Variants in TRPC7 observed in about 807,000 individuals in gnomAD.
TRPC7 encodes the protein short transient receptor potential channel 7.
TRPC7 carries 42 observed loss-of-function variants against 90.1 expected under a neutral mutation model. The observed-to-expected ratio is 0.47, with a 90% CI of 0.36 to 0.60. The LOEUF (loss-of-function observed/expected upper bound fraction) is 0.60. Among genes scored for constraint, TRPC7 ranks in the 20% least tolerant of loss-of-function variants. The pLI, the probability that TRPC7 is intolerant of heterozygous loss-of-function variation, is 0.00. For synonymous variants in TRPC7, 451 were observed against 436.3 expected (o/e 1.03, Z -0.42); for missense variants, 955 against 1,112.3 (o/e 0.86, Z 2.01).
intron 5 of TRPC7, among the ~76,000 whole-genome samples, chr5:136,258,548 G>A (rs988931226): frequency 1.3e-5 from 2 of 152,194 alleles, no homozygotes; most frequent in Admixed American, 6.5e-5. Flanking sequence ...GGAGCCTAGA[G>A]AACAAGGTCA....
At chr5:136,290,766 A>G (rs1375518420) in intron 3 of TRPC7, among the ~76,000 whole-genome samples, 1 of 152,226 alleles carries the variant, frequency 6.6e-6, no homozygotes, top group Non-Finnish European at 1.5e-5. Context: ...GCAGGCCAAC[A>G]TTCAAATTCA....
At position 136,247,813 on chromosome 5, in the gene TRPC7, G is replaced by C; in HGVS notation, c.1580-78C>G. 1 of 1,501,022 alleles carries C rather than the reference G, an allele frequency of 6.7e-7. No homozygotes were observed. The highest frequency in any genetic ancestry group is 9.0e-7 in the Non-Finnish European group (1 of 1,116,556). The allele number at this position is 1,501,022 out of a possible 1,614,324, so 93.0% of individuals were successfully genotyped here. A position where few individuals can be genotyped will look rare whatever the true frequency, so the allele number is the denominator to read the frequency against. ...GAGAAACCAGTTAGGCATCTTTAGA[G>C]GTCTCCAACTGCATCATTTGCCATT... On this transcript the variant is annotated intron_variant, in intron 6 of 11. Coordinates refer to ENST00000513104, the MANE Select transcript of TRPC7 (RefSeq NM_020389.3). The surrounding 1 kb of genome is among the most constrained non-coding windows in gnomAD (Gnocchi z 4.2).
chr5:136,217,461 C>T (rs1045834592), intron 10 of TRPC7, among the ~76,000 whole-genome samples: 2 of 152,174 alleles, frequency 1.3e-5, no homozygotes, highest in African/African-American at 2.4e-5. Context: ...CACCTGAACC[C>T]GAAAGGCTCT....
chr5:136,308,150 A>G (rs1758708461), intron 3 of TRPC7, among the ~76,000 whole-genome samples: 1 of 152,234 alleles, frequency 6.6e-6, no homozygotes, highest in African/African-American at 2.4e-5. Context: ...TTACATATAT[A>G]CATGCTGGAA....
chr5:136,245,009 T>C (rs1014865086), intron 7 of TRPC7, among the ~76,000 whole-genome samples: 2 of 152,258 alleles, frequency 1.3e-5, no homozygotes, highest in African/African-American at 4.8e-5. Context: ...GCTCACTTTA[T>C]GCCAAGCATT....
intron 5 of TRPC7, among the ~76,000 whole-genome samples, chr5:136,255,475 T>G (rs546262525): frequency 6.6e-6 from 1 of 152,348 alleles, no homozygotes; most frequent in Non-Finnish European, 1.5e-5. Context: ...AGAGTAATTT[T>G]AAAATTATGG....
At position 136,259,217 on chromosome 5, in the gene TRPC7, A is replaced by C. The variant is rs538380479; in HGVS notation, c.1345+7003T>G. 1.4e-4 allele frequency among the ~76,000 whole-genome samples: 21 copies of C among 152,346 alleles called. 1 individual carries two copies. In the South Asian group the frequency reaches 3.7e-3, roughly 27 times the overall value. On this transcript the variant is annotated intron_variant, in intron 5 of 11. Transcript: ENST00000513104. ...AATTATCCCCACTTTACAGATGAAG[A>C]AACTCACCTATGAAGGTGGCAAGTA...
At chr5:136,321,980 G>A (rs1460225067) in intron 2 of TRPC7, among the ~76,000 whole-genome samples, 2 of 151,940 alleles carry the variant, frequency 1.3e-5, no homozygotes, top group African/African-American at 4.8e-5. Context: ...TGACATTTGG[G>A]AATGAAGAAG....
rs1311225654 is a variant in TRPC7, at chr5:136,356,772, T to C, written c.616A>G (p.Lys206Glu). The change falls in exon 2 of 12, where the codon AAA becomes GAA. Residue 206 changes from lysine (K) to glutamate (E), a missense_variant. By Grantham distance (56) the Lys-to-Glu change is moderately conservative (BLOSUM62 1). This residue lies in a region of TRPC7 where 484 missense variants were observed against 509.6 expected (regional missense o/e 0.95). Coordinates refer to ENST00000513104, the MANE Select transcript of TRPC7 (RefSeq NM_020389.3). ...YFCKCNECTE[K>E]QRKDSFSHSR... Reference sequence around the variant, plus strand: ...TGGCTGAAGGAGTCTTTCCGCTGTTTCTCGGTGCACTCATTGCACTTGCAG... The same window carrying C: ...TGGCTGAAGGAGTCTTTCCGCTGTTCCTCGGTGCACTCATTGCACTTGCAG... 19 of 1,611,958 alleles carry C rather than the reference T, an allele frequency of 1.2e-5. No homozygotes were observed. Among genetic ancestry groups the C allele is most frequent in the Non-Finnish European group, 1.6e-5 (19 of 1,178,808 alleles).
chr5:136,278,296 T>C (rs931135751), intron 3 of TRPC7, among the ~76,000 whole-genome samples: 1 of 152,256 alleles, frequency 6.6e-6, no homozygotes, highest in Non-Finnish European at 1.5e-5. Context: ...TGTTCACGAA[T>C]GGGCACTGTT....
Position 136,312,348 on chromosome 5 carries a change from A to G in TRPC7, c.963+3249T>C, listed in dbSNP as rs569018080. ...CTGGGGAGATAACAAAGGACCAGCTAGGGAATTAGAAGAACCCTAGAGTCC... is the reference window on the plus strand; with the variant it reads ...CTGGGGAGATAACAAAGGACCAGCTGGGGAATTAGAAGAACCCTAGAGTCC... On this transcript the variant is annotated intron_variant, in intron 3 of 11. Transcript: ENST00000513104. Among the ~76,000 whole-genome samples the G allele has an allele frequency of 2.6e-5, 4 of 152,344 alleles. No individual in the cohort carries two copies. In the East Asian group the frequency reaches 7.7e-4, roughly 29 times the overall value.
At chr5:136,214,776 C>G (rs1033690972) in intron 11 of TRPC7, among the ~76,000 whole-genome samples, 15 of 152,124 alleles carry the variant, frequency 9.9e-5, no homozygotes, top group African/African-American at 3.4e-4. Context: ...GAGGGTCACC[C>G]AATGACCAGG....
intron 1 of TRPC7, among the ~76,000 whole-genome samples, chr5:136,361,362 C>T (rs963590): frequency 0.7 from 106,727 of 152,042 alleles, 37,603 homozygotes; most frequent in Admixed American, 0.77. Context: ...AGGATTCCAG[C>T]GGAAACAAAA....
intron 3 of TRPC7, among the ~76,000 whole-genome samples, chr5:136,298,850 A>C (rs1211454386): frequency 6.6e-6 from 1 of 152,170 alleles, no homozygotes; most frequent in African/African-American, 2.4e-5. Context: ...TGCAAAAACA[A>C]ATAAAAACAA....
At chr5:136,337,680 A>C (rs34934613) in intron 2 of TRPC7, among the ~76,000 whole-genome samples, 12,413 of 151,614 alleles carry the variant, frequency 0.082, 652 homozygotes, top group Non-Finnish European at 0.12. Flanking sequence ...AAAAAAAAAA[A>C]ATCTGTTCTA....
chr5:136,331,357 T>C (rs563308793), intron 2 of TRPC7, among the ~76,000 whole-genome samples: 1 of 152,218 alleles, frequency 6.6e-6, no homozygotes, highest in East Asian at 1.9e-4. Flanking sequence ...GAATAGAGCA[T>C]CTAGGGTGTG....
intron 3 of TRPC7, among the ~76,000 whole-genome samples, chr5:136,288,118 A>T (rs1757792995): frequency 6.6e-6 from 1 of 151,544 alleles, no homozygotes; most frequent in Non-Finnish European, 1.5e-5. Flanking sequence ...TTTTTTTTTT[A>T]CAAAGGAAGA....
chr5:136,355,625 C>T (rs777713289), intron 2 of TRPC7, among the ~76,000 whole-genome samples: 6 of 152,048 alleles, frequency 3.9e-5, no homozygotes, highest in East Asian at 3.9e-4. Flanking sequence ...GGTGAAACCC[C>T]GTCTCTACTA....
intron 10 of TRPC7, among the ~76,000 whole-genome samples, chr5:136,219,824 T>C (rs921749906): frequency 2.0e-5 from 3 of 152,248 alleles, no homozygotes; most frequent in Non-Finnish European, 4.4e-5. Context: ...GTTATGTGCA[T>C]GCTGCACAAC....
Sources: gnomAD v4.1 joint callset for allele counts (sites outside exome capture counted in the v4.1 genomes callset) on GRCh38, gnomAD v4.1.1 for gene constraint, gnomAD v4.1.1 regional missense constraint, Gnocchi (gnomAD v3.1) non-coding constraint, MANE v1.5 for transcripts, NCBI Gene and HGNC (gene_info 2026-07-23, HGNC 2026-07-21) for gene names.